Variants in UQCC6 observed in about 807,000 individuals in gnomAD.
UQCC6 encodes the protein ubiquinol-cytochrome c reductase complex assembly factor 6, also known as protein BRAWNIN.
chr12:103,959,801 CTTTTTT>C, the UQCC6 span, among the ~76,000 whole-genome samples: 34 of 103,548 alleles, frequency 3.3e-4, no homozygotes, highest in African/African-American at 6.2e-4. Context: ...TTTATTTTTA[CTTTTTT>C]TTTTTTTTTT....
the UQCC6 span, among the ~76,000 whole-genome samples, chr12:103,959,550 T>C: frequency 0.027 from 4,016 of 149,030 alleles, 66 homozygotes; most frequent in Middle Eastern, 0.11. Context: ...CCATCTCTAC[T>C]AAAATACAAA....
the UQCC6 span, among the ~76,000 whole-genome samples, chr12:103,957,788 CA>C: frequency 6.6e-5 from 10 of 151,362 alleles, no homozygotes; most frequent in Non-Finnish European, 1.2e-4. Flanking sequence ...CCTGTAATCC[CA>C]GCCAGCACTT....
chr12:103,954,743 C>T, the UQCC6 span: 43,716 of 528,988 alleles, frequency 0.083, 2,803 homozygotes, highest in East Asian at 0.28. Flanking sequence ...GTTAACGTGT[C>T]GTGAGCAGAC....
At chr12:103,956,947 G>A in the UQCC6 span, 1 of 556,382 alleles carries the variant, frequency 1.8e-6, no homozygotes, top group Non-Finnish European at 3.2e-6. Flanking sequence ...ACGCCCTCCA[G>A]GCCGAGGCCC....
chr12:103,956,867 AC>A, the UQCC6 span: 19 of 642,038 alleles, frequency 3.0e-5, no homozygotes, highest in Admixed American at 1.8e-4. Context: ...GTGCAGGAGG[AC>A]CCCTGGGTTC....
chr12:103,956,830 C>T, the UQCC6 span: 2 of 860,710 alleles, frequency 2.3e-6, no homozygotes, highest in East Asian at 2.7e-5. Context: ...CCAGCCAGCG[C>T]TGGACACGAG....
the UQCC6 span, among the ~76,000 whole-genome samples, chr12:103,960,015 T>C: frequency 6.6e-6 from 1 of 151,934 alleles, no homozygotes; most frequent in African/African-American, 2.4e-5. Flanking sequence ...CCACAGGTGA[T>C]CCGCCTGCCT....
At chr12:103,956,974 C>A in the UQCC6 span, 1 of 516,546 alleles carries the variant, frequency 1.9e-6, no homozygotes, top group Non-Finnish European at 3.5e-6. Flanking sequence ...AATCGTTTAT[C>A]AGTGAGGGGC....
the UQCC6 span, chr12:103,956,966 T>C: frequency 1.9e-6 from 1 of 528,228 alleles, no homozygotes; most frequent in African/African-American, 1.9e-5. Flanking sequence ...CCAGCCCCAA[T>C]CGTTTATCAG....
chr12:103,965,041 T>A, the UQCC6 span, among the ~76,000 whole-genome samples: 1 of 152,242 alleles, frequency 6.6e-6, no homozygotes, highest in Admixed American at 6.5e-5. Flanking sequence ...TGGAGTTACC[T>A]GTTACTATAT....
At chr12:103,956,440 C>G in the UQCC6 span, 1 of 548,278 alleles carries the variant, frequency 1.8e-6, no homozygotes. Context: ...CAATGGGATG[C>G]CATCCAAAGG....
At chr12:103,951,216 TTTC>T in the UQCC6 span, 1 of 203,476 alleles carries the variant, frequency 4.9e-6, no homozygotes, top group Non-Finnish European at 9.7e-6. Context: ...TTTTAAATAA[TTTC>T]TTAATTTATA....
the UQCC6 span, among the ~76,000 whole-genome samples, chr12:103,961,372 T>C: frequency 6.6e-6 from 1 of 152,214 alleles, no homozygotes; most frequent in Admixed American, 6.5e-5. Context: ...TACTTTTTAA[T>C]AAACTTAGTG....
At chr12:103,960,868 A>G in the UQCC6 span, among the ~76,000 whole-genome samples, 1 of 152,230 alleles carries the variant, frequency 6.6e-6, no homozygotes, top group South Asian at 2.1e-4. Flanking sequence ...TGTACACTAC[A>G]TAATACTTGA....
chr12:103,958,009 AT>A, the UQCC6 span, among the ~76,000 whole-genome samples: 1 of 144,056 alleles, frequency 6.9e-6, no homozygotes, highest in Non-Finnish European at 1.5e-5. Flanking sequence ...ATATATATTT[AT>A]TTTTAATATA....
At chr12:103,959,492 T>C in the UQCC6 span, among the ~76,000 whole-genome samples, 31 of 152,130 alleles carry the variant, frequency 2.0e-4, no homozygotes, top group Non-Finnish European at 4.3e-4. Context: ...GCAGGCGGAT[T>C]GTCTGAGCTC....
chr12:103,951,648 CA>C, the UQCC6 span: 11 of 1,372,560 alleles, frequency 8.0e-6, no homozygotes, highest in Admixed American at 2.2e-5. Context: ...AAAAACAAAA[CA>C]AAAAACATAA....
chr12:103,954,834 TATTGG>T, the UQCC6 span: 1 of 656,848 alleles, frequency 1.5e-6, no homozygotes, highest in Non-Finnish European at 2.8e-6. Flanking sequence ...TTTACAAGAG[TATTGG>T]ATTATTTTAT....
At chr12:103,956,124 AG>A in the UQCC6 span, among the ~76,000 whole-genome samples, 1 of 148,760 alleles carries the variant, frequency 6.7e-6, no homozygotes, top group Non-Finnish European at 1.5e-5. Flanking sequence ...ATCGCAGAGG[AG>A]GAATTCTTTG....
Sources: gnomAD v4.1 joint callset for allele counts (sites outside exome capture counted in the v4.1 genomes callset) on GRCh38, gnomAD v4.1.1 for gene constraint, MANE v1.5 for transcripts, NCBI Gene and HGNC (gene_info 2026-07-23, HGNC 2026-07-21) for gene names.